LZTFL1: variants seen among roughly 807,000 people sequenced by gnomAD.
LZTFL1 encodes the protein leucine zipper transcription factor-like protein 1.
A neutral mutation model predicts 45.9 loss-of-function variants in LZTFL1; 25 were observed. The observed-to-expected ratio is 0.54, with a 90% confidence interval of 0.40 to 0.76. LZTFL1 has a LOEUF of 0.76. Among genes scored for constraint, LZTFL1 ranks in the 30% least tolerant of loss-of-function variants. The pLI is 0.00. For missense variants in LZTFL1, 277 were observed against 331.1 expected (o/e 0.84, Z 1.27); for synonymous variants, 93 against 117.4 (o/e 0.79, Z 1.35).
chr3:45,875,003 A>G lies in LZTFL1; in HGVS notation c.-214-15987T>C, dbSNP rs546910899. ...AACTGAGGTCAGCTAAGGTTAGTTG[A>G]AGAACTTCTCAATTGAGCCCAGCTT... is the stretch of plus-strand genomic sequence containing the variant. On this transcript the variant is annotated intron_variant, in intron 2 of 4. Transcript: ENST00000472635. Among the ~76,000 whole-genome samples, 3 of 152,352 alleles carry G rather than the reference A, an allele frequency of 2.0e-5. No homozygotes were observed. The South Asian group carries it at 6.2e-4, about 32-fold the overall frequency.
intron 3 of LZTFL1, among the ~76,000 whole-genome samples, chr3:45,856,069 C>CA (rs1044656369): frequency 1.3e-5 from 2 of 151,878 alleles, no homozygotes; most frequent in Non-Finnish European, 2.9e-5. Context: ...CATATAGAAC[C>CA]AAAAAAGAGC....
At chr3:45,844,687 C>A (rs1364829602), upstream of LZTFL1, among the ~76,000 whole-genome samples, 1 of 152,102 alleles carries the variant, frequency 6.6e-6, no homozygotes, top group Non-Finnish European at 1.5e-5. Flanking sequence ...AGAAAGTAGC[C>A]AAGACCTTAT....
intron 7 of LZTFL1, 122 bp from the exon 8 acceptor site, chr3:45,828,737 C>T: frequency 1.2e-6 from 1 of 843,202 alleles, no homozygotes; most frequent in South Asian, 1.8e-5. Context: ...TGCATGCCAG[C>T]CTCCCTTGCC....
intron 3 of LZTFL1, 61 bp downstream of exon 3, chr3:45,835,529 C>T: frequency 6.6e-7 from 1 of 1,510,348 alleles, no homozygotes; most frequent in Middle Eastern, 1.8e-4. Context: ...AAGATGTTCA[C>T]TAACTTTTAA....
At chr3:45,890,356 T>TATTTATATAA (rs1702139372) in intron 2 of LZTFL1, among the ~76,000 whole-genome samples, 1 of 70,854 alleles carries the variant, frequency 1.4e-5, no homozygotes, top group Non-Finnish European at 2.9e-5. Flanking sequence ...ATAACATATA[T>TATTTATATAA]ATATATATAA....
Position 45,830,860 on chromosome 3 carries a change from A to G in LZTFL1, c.600+53T>C, listed in dbSNP as rs535584044. ...GTAACTAAGACTTAATTTTAAGTTT[A>G]TAACTTCATTCTACTTAGAAAATGT... On this transcript the variant is annotated intron_variant, in intron 7 of 9. Coordinates refer to ENST00000296135, the MANE Select transcript of LZTFL1 (RefSeq NM_020347.4). 596 of 1,516,240 alleles carry G rather than the reference A, an allele frequency of 3.9e-4. 3 individuals carry two copies. The South Asian group carries it at 6.3e-3, about 16-fold the overall frequency. The allele number at this position is 1,516,240 out of a possible 1,614,324, so 93.9% of individuals were successfully genotyped here.
intron 5 of LZTFL1, among the ~76,000 whole-genome samples, chr3:45,832,276 G>A (rs1700848017): frequency 6.6e-6 from 1 of 152,026 alleles, no homozygotes; most frequent in African/African-American, 2.4e-5. Context: ...ATTTTTGAGG[G>A]CAAGGGAGCA....
intron 2 of LZTFL1, among the ~76,000 whole-genome samples, chr3:45,904,910 C>T (rs1472425573): frequency 6.6e-6 from 1 of 152,144 alleles, no homozygotes; most frequent in Non-Finnish European, 1.5e-5. Context: ...GAAATCATCC[C>T]CCAGCACCAG....
In LZTFL1 at chr3:45,873,727, A is replaced by T. The variant is rs537792986; in HGVS notation, c.-214-14711T>A. On this transcript the variant is annotated intron_variant, in intron 2 of 4. Coordinates refer to the LZTFL1 transcript ENST00000472635. ...AGACCTCCATCTTTCCACAAATTCA[A>T]ACCAAACTAAACCAAACCAAACCAA... is the stretch of plus-strand genomic sequence containing the variant. Among the ~76,000 whole-genome samples the T allele has an allele frequency of 3.7e-4, 57 of 152,186 alleles. No individual in the cohort carries two copies. The South Asian group carries it at 0.012, about 32-fold the overall frequency.
At chr3:45,906,057 C>T (rs938158141) in intron 2 of LZTFL1, among the ~76,000 whole-genome samples, 14 of 152,198 alleles carry the variant, frequency 9.2e-5, no homozygotes, top group Non-Finnish European at 1.8e-4. Flanking sequence ...CAAACTCCAG[C>T]TCAGTACCTC....
chr3:45,894,588 G>A (rs1239990046), intron 2 of LZTFL1, among the ~76,000 whole-genome samples: 6 of 152,176 alleles, frequency 3.9e-5, no homozygotes, highest in Non-Finnish European at 8.8e-5. Context: ...AAATGTAACA[G>A]CCCACCTGCC....
At chr3:45,861,043 AT>A (rs1013992599) in intron 2 of LZTFL1, among the ~76,000 whole-genome samples, 1 of 152,006 alleles carries the variant, frequency 6.6e-6, no homozygotes, top group African/African-American at 2.4e-5. Flanking sequence ...AAATACCTCT[AT>A]TCAGCACAGG....
At chr3:45,842,146 G>A, upstream of LZTFL1, 1 of 1,510,692 alleles carries the variant, frequency 6.6e-7, no homozygotes, top group Non-Finnish European at 8.8e-7. Flanking sequence ...CGAGGCACGT[G>A]GACTGCAATT....
intron 2 of LZTFL1, among the ~76,000 whole-genome samples, chr3:45,911,842 C>G (rs1055893341): frequency 6.6e-6 from 1 of 152,246 alleles, no homozygotes; most frequent in Non-Finnish European, 1.5e-5. Flanking sequence ...TGGTTTTTTA[C>G]TGGGAATTTG....
intron 4 of LZTFL1, 50 bp from the exon 5 acceptor site, chr3:45,833,171 G>T: frequency 2.3e-6 from 3 of 1,289,132 alleles, no homozygotes; most frequent in Non-Finnish European, 2.3e-6. Context: ...AATAAAGCAT[G>T]TATAATCATT....
intron 2 of LZTFL1, among the ~76,000 whole-genome samples, chr3:45,873,864 G>A (rs866521219): frequency 2.0e-5 from 3 of 152,290 alleles, no homozygotes; most frequent in Middle Eastern, 6.8e-3. Flanking sequence ...ACCTGTTGAA[G>A]TGTTACTCAT....
At chr3:45,831,190 T>TTG in intron 5 of LZTFL1, 52 bp from the exon 6 acceptor site, 2 of 961,250 alleles carry the variant, frequency 2.1e-6, no homozygotes, top group Non-Finnish European at 3.1e-6. Flanking sequence ...TTTTAATATT[T>TTG]GAAATTATTA....
At chr3:45,914,152 C>G (rs1376099379) in intron 1 of LZTFL1, among the ~76,000 whole-genome samples, 1 of 152,176 alleles carries the variant, frequency 6.6e-6, no homozygotes, top group Non-Finnish European at 1.5e-5. Context: ...TTCCTCCTTT[C>G]CTCAAATTCT....
chr3:45,900,931 G>A lies in LZTFL1; in HGVS notation c.-215+12189C>T, dbSNP rs754006537. On this transcript the variant is annotated intron_variant, in intron 2 of 4. Coordinates refer to the LZTFL1 transcript ENST00000472635. This position sits in a 1 kb window ranked among gnomAD's most constrained non-coding sequence, Gnocchi z 4.7. ...AAAAACAATGTCAGGCAGTTTGCGA[G>A]CCATTTCCTCCCACCCTTGTACTGG... is the stretch of plus-strand genomic sequence containing the variant. 2 of 1,614,226 alleles carry A rather than the reference G, an allele frequency of 1.2e-6. No homozygotes were observed. Among genetic ancestry groups the A allele is most frequent in the South Asian group, 2.2e-5 (2 of 91,084 alleles).
Sources: allele counts gnomAD v4.1 joint callset (sites outside exome capture counted in the v4.1 genomes callset), GRCh38; gene constraint gnomAD v4.1.1; non-coding constraint Gnocchi (gnomAD v3.1); transcripts MANE v1.5; gene names NCBI Gene and HGNC (gene_info 2026-07-23, HGNC 2026-07-21).